The following PPP2R1B variants were observed in gnomAD, a reference collection of about 807,000 sequenced individuals.
PPP2R1B encodes protein phosphatase 2 scaffold subunit Abeta, also known as serine/threonine-protein phosphatase 2A 65 kDa regulatory subunit A beta isoform.
PPP2R1B carries 58 observed loss-of-function variants against 72.7 expected under a neutral mutation model. The ratio of observed to expected loss-of-function variants is 0.80; its 90% CI spans 0.65 to 0.99. PPP2R1B has a LOEUF of 0.99. Ranked by LOEUF, PPP2R1B falls within the 50% of genes least tolerant of loss-of-function variation. The probability of loss-of-function intolerance (pLI) is 0.00; values close to 1 mark genes in which losing one functional copy is unlikely to be tolerated. For missense variants in PPP2R1B, 695 were observed against 733.6 expected (o/e 0.95, Z 0.61); for synonymous variants, 256 against 264.6 (o/e 0.97, Z 0.32).
the PPP2R1B span, among the ~76,000 whole-genome samples, chr11:111,692,435 G>A: frequency 6.8e-6 from 1 of 147,780 alleles, no homozygotes; most frequent in African/African-American, 2.5e-5. Flanking sequence ...CGAGGCTGGG[G>A]TATCTGCCTC....
intron 2 of PPP2R1B, 102 bp from the exon 3 acceptor site, chr11:111,765,007 A>T: frequency 6.6e-7 from 1 of 1,509,178 alleles, no homozygotes; most frequent in Non-Finnish European, 8.8e-7. Context: ...CAGGAAGGTG[A>T]CCCAGTCAAA....
chr11:111,763,874 A>G (rs1005385993), intron 3 of PPP2R1B, among the ~76,000 whole-genome samples: 2 of 152,058 alleles, frequency 1.3e-5, no homozygotes, highest in Non-Finnish European at 2.9e-5. Context: ...CTCTCTATAT[A>G]TATATATTCA....
downstream of PPP2R1B, chr11:111,722,081 T>TG (rs949056723): frequency 1.7e-6 from 1 of 573,448 alleles, no homozygotes; most frequent in Non-Finnish European, 2.9e-6. The surrounding 1 kb of genome is among the most constrained non-coding windows in gnomAD (Gnocchi z 4.4). Flanking sequence ...ACTCTGTACT[T>TG]GGAGTTTCTA....
chr11:111,738,558 G>C lies in PPP2R1B; in HGVS notation c.*3038C>G, dbSNP rs928688496. The C allele has an allele frequency of 1.0e-6, 1 of 985,388 alleles. No homozygotes were observed. The highest frequency in any genetic ancestry group is 1.7e-5 in the African/African-American group (1 of 57,254). 61.0% of individuals were successfully genotyped at this position (985,388 alleles called of 1,614,324 possible). A position where few individuals can be genotyped will look rare whatever the true frequency, so the allele number is the denominator to read the frequency against. On this transcript the variant is annotated 3_prime_UTR_variant, in exon 15 of 15. Coordinates refer to ENST00000527614, the MANE Select transcript of PPP2R1B (RefSeq NM_002716.5). ...CTGGACAAGCCAGCTCAAAGGTCAGGCTGCCGTCTCTGTTGAGTCAGGACA... is the reference window on the plus strand; with the variant it reads ...CTGGACAAGCCAGCTCAAAGGTCAGCCTGCCGTCTCTGTTGAGTCAGGACA...
At chr11:111,695,940 A>G in the PPP2R1B span, among the ~76,000 whole-genome samples, 3 of 152,208 alleles carry the variant, frequency 2.0e-5, no homozygotes, top group Non-Finnish European at 2.9e-5. Flanking sequence ...TGTTAGGACC[A>G]TATAGGTCAG....
At chr11:111,715,132 T>C in the PPP2R1B span, among the ~76,000 whole-genome samples, 1 of 152,222 alleles carries the variant, frequency 6.6e-6, no homozygotes. Context: ...TTTGCATTTG[T>C]AGGAAGAGCA....
chr11:111,744,905 T>C (rs1591683032), intron 11 of PPP2R1B, among the ~76,000 whole-genome samples: 1 of 152,304 alleles, frequency 6.6e-6, no homozygotes, highest in South Asian at 2.1e-4. Flanking sequence ...TCAGATGCAC[T>C]AAGGAGCAAA....
intron 11 of PPP2R1B, among the ~76,000 whole-genome samples, chr11:111,746,342 G>C (rs1267166980): frequency 6.6e-6 from 1 of 152,146 alleles, no homozygotes; most frequent in Non-Finnish European, 1.5e-5. Context: ...GATGAAGCTA[G>C]AAGCCATCAT....
the PPP2R1B span, among the ~76,000 whole-genome samples, chr11:111,696,474 G>T: frequency 6.6e-6 from 1 of 152,174 alleles, no homozygotes; most frequent in Non-Finnish European, 1.5e-5. Flanking sequence ...AAGTCAAAAT[G>T]AAGCCACGTG....
Position 111,753,461 on chromosome 11 carries a change from T to C in PPP2R1B, c.1146A>G (p.Leu382=). The part of the protein sequence containing the change: ...NTIEHLLPLF[L]AQLKDECPDV... ...GACCCACCTCATCCTTTAACTGAGC[T>C]AAGAAAAGAGGTAGAAGATGTTCAA... The change falls in exon 9 of 15, where the codon TTA becomes TTG. Residue 382 remains leucine (L), a synonymous_variant. Coordinates refer to ENST00000527614, the MANE Select transcript of PPP2R1B (RefSeq NM_002716.5). 6.2e-7 allele frequency: 1 copy of C among 1,613,262 alleles called. No individual in the cohort carries two copies. The highest frequency in any genetic ancestry group is 8.5e-7 in the Non-Finnish European group (1 of 1,179,802).
chr11:111,731,365 G>T (rs777289605), intron 15 of PPP2R1B, among the ~76,000 whole-genome samples: 1 of 152,192 alleles, frequency 6.6e-6, no homozygotes, highest in Non-Finnish European at 1.5e-5. Flanking sequence ...TCTGCCAAAG[G>T]CCTCGACACT....
At chr11:111,755,263 A>C (rs782620523) in intron 6 of PPP2R1B, 32 bp downstream of exon 6, 1 of 1,575,606 alleles carries the variant, frequency 6.3e-7, no homozygotes, top group Non-Finnish European at 8.6e-7. Flanking sequence ...TTTCAGGTTT[A>C]TTTCCTTAGT....
At chr11:111,711,655 G>A in the PPP2R1B span, among the ~76,000 whole-genome samples, 2 of 152,212 alleles carry the variant, frequency 1.3e-5, no homozygotes, top group African/African-American at 4.8e-5. Context: ...GTCACCCCAT[G>A]TGACTGCTGC....
chr11:111,699,446 T>C, the PPP2R1B span, among the ~76,000 whole-genome samples: 2 of 152,196 alleles, frequency 1.3e-5, no homozygotes, highest in Non-Finnish European at 2.9e-5. Flanking sequence ...TACATTCTTA[T>C]TCTCATTTAA....
downstream of PPP2R1B, among the ~76,000 whole-genome samples, chr11:111,722,917 A>G (rs1943846219): frequency 1.3e-5 from 2 of 152,218 alleles, no homozygotes; most frequent in Non-Finnish European, 2.9e-5. This position sits in a 1 kb window ranked among gnomAD's most constrained non-coding sequence, Gnocchi z 4.4. Flanking sequence ...AGGATATCTC[A>G]GTATCCATGG....
chr11:111,749,169 C>A (rs1235282191), intron 10 of PPP2R1B, among the ~76,000 whole-genome samples: 1 of 151,950 alleles, frequency 6.6e-6, no homozygotes, highest in Non-Finnish European at 1.5e-5. Context: ...ACTAAAAGAT[C>A]ATAATGAACA....
At chr11:111,742,244 AAAAAT>A (rs1944549189) in intron 13 of PPP2R1B, 100 bp from the exon 14 acceptor site, 10 of 979,482 alleles carry the variant, frequency 1.0e-5, no homozygotes, top group Admixed American at 5.1e-5. Context: ...TTTAAAGTAA[AAAAAT>A]AAAGACATTT....
At chr11:111,706,794 T>C in the PPP2R1B span, among the ~76,000 whole-genome samples, 1 of 151,954 alleles carries the variant, frequency 6.6e-6, no homozygotes, top group African/African-American at 2.4e-5. Flanking sequence ...ACCCCGTCTC[T>C]ACTAAAAATA....
chr11:111,731,426 G>A (rs990786160), intron 15 of PPP2R1B, among the ~76,000 whole-genome samples: 1 of 152,268 alleles, frequency 6.6e-6, no homozygotes, highest in South Asian at 2.1e-4. Flanking sequence ...GCACCCTTTT[G>A]AGGCCCAGCT....
Sources: allele counts gnomAD v4.1 joint callset (sites outside exome capture counted in the v4.1 genomes callset), GRCh38; gene constraint gnomAD v4.1.1; non-coding constraint Gnocchi (gnomAD v3.1); transcripts MANE v1.5; gene names NCBI Gene and HGNC (gene_info 2026-07-23, HGNC 2026-07-21).